Variants in CEP63 observed in about 807,000 individuals in gnomAD.
CEP63 encodes the protein centrosomal protein 63.
CEP63 carries 84 observed loss-of-function variants against 89.1 expected under a neutral mutation model. That is an observed-to-expected ratio of 0.94 (90% CI 0.79 to 1.13). The LOEUF (loss-of-function observed/expected upper bound fraction) is 1.13, where lower values mean the gene tolerates loss of function less well. Ranked by LOEUF, CEP63 falls within the 50% of genes most tolerant of loss-of-function variation. The pLI, the probability that CEP63 is intolerant of heterozygous loss-of-function variation, is 0.00. For synonymous variants in CEP63, 267 were observed against 272.5 expected (o/e 0.98, Z 0.20); for missense variants, 838 against 813.3 (o/e 1.03, Z -0.37).
the CEP63 span, among the ~76,000 whole-genome samples, chr3:134,725,221 T>A: frequency 1.3e-5 from 2 of 152,224 alleles, no homozygotes; most frequent in Non-Finnish European, 2.9e-5. Flanking sequence ...ATATTTGTCA[T>A]CAAATTTGTA....
intron 1 of CEP63, among the ~76,000 whole-genome samples, chr3:134,493,052 A>G (rs778363901): frequency 3.3e-5 from 5 of 152,210 alleles, no homozygotes; most frequent in Non-Finnish European, 5.9e-5. Flanking sequence ...ATATTACTAA[A>G]TATATTAATG....
rs559072623 is a variant in CEP63, at chr3:134,544,126, T to C, written c.556-1460T>C. 1.4e-4 allele frequency among the ~76,000 whole-genome samples: 22 copies of C among 152,314 alleles called. No homozygotes were observed. The East Asian group carries it at 3.9e-3, about 27-fold the overall frequency. On this transcript the variant is annotated intron_variant, in intron 6 of 14. Coordinates refer to ENST00000675561, the MANE Select transcript of CEP63 (RefSeq NM_001353108.3). ...TATAGTACAGGATTTGGACCTGTAC[T>C]GTAAATAATAAAATCTTTAAATCTG...
intron 3 of CEP63, among the ~76,000 whole-genome samples, chr3:134,521,045 A>T (rs1700510479): frequency 1.3e-5 from 2 of 152,184 alleles, no homozygotes; most frequent in African/African-American, 4.8e-5. Context: ...TATTTACAAC[A>T]TACAACCAAC....
At chr3:134,661,937 G>A in the CEP63 span, among the ~76,000 whole-genome samples, 2 of 152,252 alleles carry the variant, frequency 1.3e-5, no homozygotes, top group African/African-American at 4.8e-5. Flanking sequence ...CCTTGTAAAA[G>A]CAGTTCGAAA....
At chr3:134,701,463 CAT>C in the CEP63 span, among the ~76,000 whole-genome samples, 2 of 113,022 alleles carry the variant, frequency 1.8e-5, no homozygotes, top group African/African-American at 7.1e-5. Flanking sequence ...TGTATATATA[CAT>C]ACACACACAC....
At chr3:134,616,938 A>G in the CEP63 span, among the ~76,000 whole-genome samples, 2 of 152,216 alleles carry the variant, frequency 1.3e-5, no homozygotes, top group African/African-American at 4.8e-5. Flanking sequence ...TCTCCAATAT[A>G]TAGATGAGAG....
At chr3:134,522,624 C>G (rs1344783411) in intron 3 of CEP63, among the ~76,000 whole-genome samples, 4 of 152,112 alleles carry the variant, frequency 2.6e-5, no homozygotes, top group Non-Finnish European at 5.9e-5. Context: ...TCCCTTTACC[C>G]TCCAGTAAGC....
chr3:134,691,038 C>T, the CEP63 span, among the ~76,000 whole-genome samples: 95,833 of 152,022 alleles, frequency 0.63, 31,198 homozygotes, highest in East Asian at 0.91. Context: ...TGTGAGCCAC[C>T]GTGCCTGGCC....
At chr3:134,689,103 C>G in the CEP63 span, among the ~76,000 whole-genome samples, 1 of 152,192 alleles carries the variant, frequency 6.6e-6, no homozygotes, top group African/African-American at 2.4e-5. Context: ...CCTCTGTAGT[C>G]CCCAGCTCTT....
At chr3:134,520,376 T>C (rs1234450113) in intron 3 of CEP63, among the ~76,000 whole-genome samples, 1 of 152,092 alleles carries the variant, frequency 6.6e-6, no homozygotes, top group African/African-American at 2.4e-5. Flanking sequence ...GTATAAGACC[T>C]CTGCACAGAA....
chr3:134,716,036 A>G, the CEP63 span, among the ~76,000 whole-genome samples: 2 of 152,018 alleles, frequency 1.3e-5, no homozygotes, highest in Admixed American at 6.6e-5. Context: ...CAATAATGCT[A>G]CACCAGATAC....
intron 3 of CEP63, among the ~76,000 whole-genome samples, chr3:134,527,271 T>C (rs1948853277): frequency 6.6e-6 from 1 of 152,074 alleles, no homozygotes; most frequent in African/African-American, 2.4e-5. Flanking sequence ...GGTGGTGGTG[T>C]TGGCTTGGGG....
intron 2 of CEP63, among the ~76,000 whole-genome samples, chr3:134,501,392 T>C (rs1426614233): frequency 6.6e-6 from 1 of 152,206 alleles, no homozygotes; most frequent in Non-Finnish European, 1.5e-5. Flanking sequence ...TTGATAGGAA[T>C]TGTATTGAAT....
chr3:134,628,499 T>C, the CEP63 span, among the ~76,000 whole-genome samples: 1 of 152,208 alleles, frequency 6.6e-6, no homozygotes, highest in Admixed American at 6.5e-5. Flanking sequence ...AAGGCCACTT[T>C]AGGCTATAAA....
At chr3:134,781,053 T>C in the CEP63 span, among the ~76,000 whole-genome samples, 2 of 152,232 alleles carry the variant, frequency 1.3e-5, no homozygotes, top group African/African-American at 4.8e-5. Flanking sequence ...TCCCTTGACA[T>C]GGAGTTTTCA....
intron 1 of CEP63, among the ~76,000 whole-genome samples, chr3:134,488,820 C>G (rs1401604987): frequency 1.3e-5 from 2 of 152,016 alleles, no homozygotes; most frequent in African/African-American, 4.8e-5. Context: ...ATTGTAGCCA[C>G]CAGCCAGCAG....
At chr3:134,699,872 C>T in the CEP63 span, among the ~76,000 whole-genome samples, 1 of 152,244 alleles carries the variant, frequency 6.6e-6, no homozygotes, top group African/African-American at 2.4e-5. Flanking sequence ...TTTGTCCTCC[C>T]TGGTGAACCC....
intron 9 of CEP63, among the ~76,000 whole-genome samples, chr3:134,548,151 C>T (rs1263624185): frequency 6.6e-6 from 1 of 152,196 alleles, no homozygotes; most frequent in Non-Finnish European, 1.5e-5. Flanking sequence ...GGGGGAAAAA[C>T]CATCCCTTAA....
chr3:134,676,614 G>A, the CEP63 span, among the ~76,000 whole-genome samples: 1 of 152,178 alleles, frequency 6.6e-6, no homozygotes, highest in South Asian at 2.1e-4. Context: ...TTTAAAAAGA[G>A]AATATTAAAA....
Sources: allele counts gnomAD v4.1 joint callset (sites outside exome capture counted in the v4.1 genomes callset), GRCh38; gene constraint gnomAD v4.1.1; transcripts MANE v1.5; gene names NCBI Gene and HGNC (gene_info 2026-07-23, HGNC 2026-07-21).